The following SPOCK1 variants were observed in gnomAD, a reference collection of about 807,000 sequenced individuals.
The protein encoded by SPOCK1 is SPARC (osteonectin), cwcv and kazal like domains proteoglycan 1, also known as testican-1.
Under a neutral mutation model 55.3 loss-of-function variants are expected in SPOCK1, and 23 were observed. That is an observed-to-expected ratio of 0.42 (90% CI 0.30 to 0.59). SPOCK1 has a LOEUF of 0.59. Among genes scored for constraint, SPOCK1 ranks in the 20% least tolerant of loss-of-function variants. SPOCK1 has a pLI of 0.22. For missense variants in SPOCK1, 499 were observed against 552.5 expected (o/e 0.90, Z 0.97); for synonymous variants, 226 against 221.0 (o/e 1.02, Z -0.20).
intron 3 of SPOCK1, among the ~76,000 whole-genome samples, chr5:137,179,838 G>A (rs549733664): frequency 2.0e-5 from 3 of 152,278 alleles, no homozygotes; most frequent in African/African-American, 7.2e-5. Context: ...CTTTTCTGAG[G>A]ATTAAATGTA....
intron 2 of SPOCK1, among the ~76,000 whole-genome samples, chr5:137,289,387 G>A (rs1343326197): frequency 1.3e-5 from 2 of 152,124 alleles, no homozygotes; most frequent in African/African-American, 2.4e-5. Context: ...TGGTTCCATG[G>A]TCTAAAATAT....
chr5:137,429,703 G>A (rs879546422), intron 2 of SPOCK1, among the ~76,000 whole-genome samples: 2 of 152,130 alleles, frequency 1.3e-5, no homozygotes, highest in Admixed American at 1.3e-4. Flanking sequence ...ATTAAACCCT[G>A]GACTCTTAAT....
intron 5 of SPOCK1, among the ~76,000 whole-genome samples, chr5:137,106,570 CAGCTGT>C (rs920995925): frequency 3.3e-5 from 5 of 152,068 alleles, no homozygotes; most frequent in African/African-American, 1.2e-4. Flanking sequence ...TTGCTAAGAC[CAGCTGT>C]AGCTTCCCAA....
intron 2 of SPOCK1, among the ~76,000 whole-genome samples, chr5:137,440,766 T>C (rs1752984770): frequency 6.6e-6 from 1 of 152,256 alleles, no homozygotes; most frequent in Non-Finnish European, 1.5e-5. Context: ...AATCTGCCAG[T>C]TTTATTTTTT....
intron 2 of SPOCK1, among the ~76,000 whole-genome samples, chr5:137,479,261 T>G (rs1032140853): frequency 6.6e-6 from 1 of 152,166 alleles, no homozygotes; most frequent in Non-Finnish European, 1.5e-5. Flanking sequence ...TGAGAGAAGA[T>G]GCAGCATTAG....
At chr5:136,990,646 TC>T (rs3836907) in intron 7 of SPOCK1, among the ~76,000 whole-genome samples, 90,491 of 151,630 alleles carry the variant, frequency 0.6, 28,764 homozygotes, top group East Asian at 0.81. Context: ...GATGATGCTG[TC>T]CCTCAGGGGC....
chr5:137,416,007 A>G (rs1752319559), intron 2 of SPOCK1, among the ~76,000 whole-genome samples: 1 of 152,148 alleles, frequency 6.6e-6, no homozygotes, highest in Non-Finnish European at 1.5e-5. Context: ...GCTCATATCA[A>G]ATTGCTCCAA....
At chr5:137,089,994 G>A (rs1753025523) in intron 5 of SPOCK1, among the ~76,000 whole-genome samples, 1 of 152,168 alleles carries the variant, frequency 6.6e-6, no homozygotes, top group African/African-American at 2.4e-5. Flanking sequence ...AACCATGCCA[G>A]GTGTAAGCAC....
At chr5:137,100,837 A>T (rs1753246923) in intron 5 of SPOCK1, among the ~76,000 whole-genome samples, 1 of 151,722 alleles carries the variant, frequency 6.6e-6, no homozygotes, top group Non-Finnish European at 1.5e-5. Context: ...TTCATGGTAT[A>T]CAAAGATTCC....
At chr5:137,409,782 T>C (rs1752173157) in intron 2 of SPOCK1, among the ~76,000 whole-genome samples, 1 of 152,242 alleles carries the variant, frequency 6.6e-6, no homozygotes, top group South Asian at 2.1e-4. Flanking sequence ...AGGATATACA[T>C]ACCAGAACTC....
intron 3 of SPOCK1, among the ~76,000 whole-genome samples, chr5:137,184,579 T>G (rs1036481842): frequency 1.3e-5 from 2 of 152,062 alleles, no homozygotes; most frequent in African/African-American, 4.8e-5. Flanking sequence ...TAAATACCCA[T>G]GTCCATGAGT....
intron 6 of SPOCK1, among the ~76,000 whole-genome samples, chr5:137,054,299 A>T (rs2126999364): frequency 6.6e-6 from 1 of 152,332 alleles, no homozygotes; most frequent in African/African-American, 2.4e-5. Flanking sequence ...TCAACTTTAC[A>T]ATTGCCTGGT....
chr5:137,213,215 T>A (rs1755650994), intron 3 of SPOCK1, among the ~76,000 whole-genome samples: 1 of 152,200 alleles, frequency 6.6e-6, no homozygotes, highest in South Asian at 2.1e-4. Flanking sequence ...GAGCACTTGC[T>A]TTCAGAGTGC....
At chr5:137,202,659 T>G (rs1755447727) in intron 3 of SPOCK1, among the ~76,000 whole-genome samples, 1 of 152,222 alleles carries the variant, frequency 6.6e-6, no homozygotes, top group South Asian at 2.1e-4. Flanking sequence ...ATTAGTTAGG[T>G]GTTCACAGGC....
At chr5:137,078,769 A>T (rs1002860398) in intron 5 of SPOCK1, among the ~76,000 whole-genome samples, 39 of 151,916 alleles carry the variant, frequency 2.6e-4, no homozygotes, top group Non-Finnish European at 4.1e-4. Flanking sequence ...CTTCCTCCAT[A>T]CCCCAAAGCC....
chr5:137,154,450 T>C (rs567998890), intron 3 of SPOCK1, among the ~76,000 whole-genome samples: 55 of 152,210 alleles, frequency 3.6e-4, no homozygotes, highest in African/African-American at 1.2e-3. Context: ...AGGAGAGGGA[T>C]TGCAAGGGCC....
At chr5:137,259,688 T>G (rs370181752) in intron 3 of SPOCK1, among the ~76,000 whole-genome samples, 1 of 130,246 alleles carries the variant, frequency 7.7e-6, no homozygotes, top group Non-Finnish European at 1.6e-5. Flanking sequence ...CACATGAAAG[T>G]AAAAAAAAAA....
At chr5:137,133,983 T>G (rs1753932796) in intron 4 of SPOCK1, among the ~76,000 whole-genome samples, 1 of 151,364 alleles carries the variant, frequency 6.6e-6, no homozygotes, top group East Asian at 2.0e-4. Flanking sequence ...GGGGTGGCAG[T>G]TATCACTAAG....
intron 6 of SPOCK1, among the ~76,000 whole-genome samples, chr5:137,058,374 G>A (rs1486417773): frequency 6.6e-6 from 1 of 152,206 alleles, no homozygotes; most frequent in Non-Finnish European, 1.5e-5. Context: ...TTGGCTGTTA[G>A]GGGGATTAAA....
Sources: gnomAD v4.1 joint callset for allele counts (sites outside exome capture counted in the v4.1 genomes callset) on GRCh38, gnomAD v4.1.1 for gene constraint, MANE v1.5 for transcripts, NCBI Gene and HGNC (gene_info 2026-07-23, HGNC 2026-07-21) for gene names.